SP140: variants seen among roughly 807,000 people sequenced by gnomAD.
SP140 encodes SP140 nuclear body protein.
Under a neutral mutation model 125.0 loss-of-function variants are expected in SP140, and 81 were observed. The observed-to-expected ratio is 0.65, with a 90% CI of 0.54 to 0.78. The LOEUF (loss-of-function observed/expected upper bound fraction) is 0.78, where lower values mean the gene tolerates loss of function less well. Ranked by LOEUF, SP140 falls within the 30% of genes least tolerant of loss-of-function variation. The pLI, the probability that SP140 is intolerant of heterozygous loss-of-function variation, is 0.00. For synonymous variants in SP140, 312 were observed against 354.0 expected (o/e 0.88, Z 1.33); for missense variants, 858 against 1,037.0 (o/e 0.83, Z 2.37).
intron 17 of SP140, among the ~76,000 whole-genome samples, chr2:230,286,377 G>A (rs974254725): frequency 1.3e-5 from 2 of 152,170 alleles, no homozygotes; most frequent in Non-Finnish European, 2.9e-5. Context: ...GGGGTGACAT[G>A]GTCAGTGTCT....
At chr2:230,223,633 T>C (rs1040442875), upstream of SP140, among the ~76,000 whole-genome samples, 4 of 152,210 alleles carry the variant, frequency 2.6e-5, no homozygotes, top group African/African-American at 9.6e-5. Context: ...CAATCTGGGA[T>C]TGGTTATCTG....
At chr2:230,236,939 C>T in intron 1 of SP140, 144 bp from the exon 2 acceptor site, 5 of 532,434 alleles carry the variant, frequency 9.4e-6, no homozygotes, top group Admixed American at 3.8e-5. Flanking sequence ...AAATAAATTC[C>T]ATTCATTCTG....
At chr2:230,270,865 T>C (rs1448923345) in intron 15 of SP140, 2 of 580,158 alleles carry the variant, frequency 3.4e-6, no homozygotes, top group Non-Finnish European at 6.6e-6. Context: ...GACCTTGAAA[T>C]GGGGAGATGA....
At chr2:230,202,993 A>G (rs2043330547), upstream of SP140, 1 of 500,780 alleles carries the variant, frequency 2.0e-6, no homozygotes, top group African/African-American at 1.9e-5. Flanking sequence ...GGGAAATCCT[A>G]GAGCTTATTT....
At position 230,237,720 on chromosome 2, in the gene SP140, C is replaced by G. The variant is rs16826903; in HGVS notation, c.237+460C>G. 3,863 of 159,456 alleles carry G rather than the reference C, an allele frequency of 0.024. 160 individuals are homozygous for G. The highest frequency in any genetic ancestry group is 0.088 in the African/African-American group (3,671 of 41,652). 9.9% of individuals were successfully genotyped at this position (159,456 alleles called of 1,614,324 possible). A position where few individuals can be genotyped will look rare whatever the true frequency, so the allele number is the denominator to read the frequency against. On this transcript the variant is annotated intron_variant, in intron 2 of 26. Transcript: ENST00000392045. The surrounding 1 kb of genome is among the most constrained non-coding windows in gnomAD (Gnocchi z 5.4). ...ATCATTGTTTGATCTTTGGACATTTCTAGAGCCCTAGAATGCAAGTTAATG... is the reference window on the plus strand; with the variant it reads ...ATCATTGTTTGATCTTTGGACATTTGTAGAGCCCTAGAATGCAAGTTAATG...
At chr2:230,233,505 G>A (rs1559216986) in intron 1 of SP140, among the ~76,000 whole-genome samples, 1 of 152,062 alleles carries the variant, frequency 6.6e-6, no homozygotes, top group East Asian at 1.9e-4. Context: ...AAGTATTTGG[G>A]TTCAGGATAT....
intron 12 of SP140, among the ~76,000 whole-genome samples, chr2:230,265,065 G>A (rs1328932377): frequency 6.6e-6 from 1 of 152,058 alleles, no homozygotes. Flanking sequence ...CTGCCAGGGT[G>A]GATAAGGAAG....
chr2:230,264,362 T>C (rs1485282849), intron 12 of SP140, among the ~76,000 whole-genome samples: 1 of 152,196 alleles, frequency 6.6e-6, no homozygotes, highest in African/African-American at 2.4e-5. Context: ...GCTTGAATAT[T>C]TCTCCCTTCA....
upstream of SP140, chr2:230,225,655 G>A (rs1205349181): frequency 1.1e-5 from 7 of 650,438 alleles, no homozygotes; most frequent in Admixed American, 4.4e-5. Flanking sequence ...TCCCTTGACT[G>A]AGAGACGTCA....
chr2:230,223,068 C>T (rs577411831), upstream of SP140, among the ~76,000 whole-genome samples: 68 of 149,114 alleles, frequency 4.6e-4, no homozygotes, highest in Non-Finnish European at 7.1e-4. Context: ...GACAGAGTCA[C>T]GGTCTGTCTC....
In SP140 at chr2:230,297,898, T is replaced by C. The variant is rs188728178; in HGVS notation, c.2058+436T>C. Reference sequence around the variant, plus strand: ...TCCAAGGTGCAGGTAGAGTTGAAGATGGTCATAAGCATCAGCCAGAAGGAA... The same window carrying C: ...TCCAAGGTGCAGGTAGAGTTGAAGACGGTCATAAGCATCAGCCAGAAGGAA... On this transcript the variant is annotated intron_variant, in intron 22 of 26. Coordinates refer to ENST00000392045, the MANE Select transcript of SP140 (RefSeq NM_007237.5). Among the ~76,000 whole-genome samples, 565 of 152,274 alleles carry C rather than the reference T, an allele frequency of 3.7e-3. 3 individuals are homozygous for C. The highest frequency in any genetic ancestry group is 0.012 in the African/African-American group (518 of 41,546).
At chr2:230,281,021 T>C (rs188382843) in intron 15 of SP140, among the ~76,000 whole-genome samples, 82 of 152,292 alleles carry the variant, frequency 5.4e-4, no homozygotes, top group African/African-American at 1.9e-3. Flanking sequence ...CTCAGTATAG[T>C]AAGGTGATTA....
At chr2:230,243,659 A>G in intron 4 of SP140, 72 bp from the exon 5 acceptor site, 1 of 1,234,388 alleles carries the variant, frequency 8.1e-7, no homozygotes, top group Non-Finnish European at 1.2e-6. Flanking sequence ...TTTTCTCATT[A>G]TTTGTTTTCT....
chr2:230,237,179 G>T lies in SP140; in HGVS notation c.156G>T (p.Glu52Asp). The change falls in exon 2 of 27, where the codon GAG (glutamate) becomes GAT (aspartate). Residue 52 changes from glutamate to aspartate, a missense_variant. By Grantham distance (45) the Glu-to-Asp change is conservative (BLOSUM62 2). Around this residue, in one of 4 missense-constraint regions of SP140, gnomAD observed 791 missense variants for 869.5 expected, o/e 0.91. Coordinates refer to ENST00000392045, the MANE Select transcript of SP140 (RefSeq NM_007237.5). The surrounding 1 kb of genome is among the most constrained non-coding windows in gnomAD (Gnocchi z 5.4). Reference protein sequence around the residue: ...IFRFFRENKVEIASAITRPFP... With the variant: ...IFRFFRENKVDIASAITRPFP... ...GGTTCTTCAGAGAAAACAAGGTGGA[G>T]ATTGCAAGTGCAATAACAAGGCCAT... is the stretch of plus-strand genomic sequence containing the variant. The T allele has an allele frequency of 6.2e-7, 1 of 1,613,656 alleles. No homozygotes were observed. The highest frequency in any genetic ancestry group is 2.2e-5 in the East Asian group (1 of 44,860).
chr2:230,203,054 G>C (rs1462785012), upstream of SP140: 13 of 383,044 alleles, frequency 3.4e-5, no homozygotes, highest in Non-Finnish European at 4.9e-5. Flanking sequence ...ACACAGTCTC[G>C]TCTAGGTGGA....
In SP140 at chr2:230,225,911, A is replaced by G. The variant is rs756789087; in HGVS notation, c.59+8A>G. ...CAGCAATCTCAACTTCAGGTGGGTC[A>G]TCGTCTCCTTTCCCGTCTGTCCTTC... On this transcript the variant is annotated splice_region_variant and intron_variant, in intron 1 of 26. Coordinates refer to ENST00000392045, the MANE Select transcript of SP140 (RefSeq NM_007237.5). The G allele has an allele frequency of 3.0e-5, 48 of 1,612,440 alleles. No individual in the cohort carries two copies. The highest frequency in any genetic ancestry group is 1.7e-4 in the Middle Eastern group (1 of 6,050).
intron 10 of SP140, 112 bp downstream of exon 10, chr2:230,251,173 G>A: frequency 3.5e-6 from 3 of 853,210 alleles, no homozygotes; most frequent in South Asian, 1.6e-5. Flanking sequence ...GTGAAAGAAT[G>A]CAATTAAATC....
At chr2:230,256,403 C>A (rs1229991498) in intron 12 of SP140, among the ~76,000 whole-genome samples, 1 of 151,634 alleles carries the variant, frequency 6.6e-6, no homozygotes, top group East Asian at 1.9e-4. Flanking sequence ...AACCATCATT[C>A]TCAGCAAACT....
At chr2:230,284,538 T>C in intron 16 of SP140, 127 bp downstream of exon 16, 4 of 707,784 alleles carry the variant, frequency 5.7e-6, no homozygotes, top group East Asian at 3.2e-5. Flanking sequence ...GGATGTAGAC[T>C]AACAGGCTGT....
Sources: gnomAD v4.1 joint callset for allele counts (sites outside exome capture counted in the v4.1 genomes callset) on GRCh38, gnomAD v4.1.1 for gene constraint, gnomAD v4.1.1 regional missense constraint, Gnocchi (gnomAD v3.1) non-coding constraint, MANE v1.5 for transcripts, NCBI Gene and HGNC (gene_info 2026-07-23, HGNC 2026-07-21) for gene names.